USH2A: variants seen among roughly 807,000 people sequenced by gnomAD.
USH2A encodes the protein usherin.
In USH2A, 443 loss-of-function variants were observed where a neutral mutation model predicts 538.9. The observed-to-expected ratio is 0.82, with a 90% confidence interval of 0.76 to 0.89. The LOEUF (loss-of-function observed/expected upper bound fraction) is 0.89, where lower values mean the gene tolerates loss of function less well. USH2A is among the 40% of genes least tolerant of loss of function. The pLI, the probability that USH2A is intolerant of heterozygous loss-of-function variation, is 0.00. For synonymous variants in USH2A, 2,413 were observed against 2,273.5 expected, an observed-to-expected ratio of 1.06 and a Z score of -1.75; for missense variants, 6,633 against 6,324.8, an observed-to-expected ratio of 1.05 and a Z score of -1.65.
rs77144503 is a variant in USH2A, at chr1:216,253,927, C to T, written c.1972-2829G>A. Among the ~76,000 whole-genome samples, 1,499 of 152,296 alleles carry T rather than the reference C, an allele frequency of 9.8e-3. 22 individuals carry two copies. Among genetic ancestry groups the T allele is most frequent in the African/African-American group, 0.034 (1,405 of 41,562 alleles). ...ATCTACCATCTTCTGTGGCTTCTCT[C>T]TTCTTCCTCCTTGCTCTGCTATAAA... On this transcript the variant is annotated intron_variant, in intron 11 of 71. Transcript: ENST00000307340.
chr1:215,940,256 A>G (rs1375705269), intron 37 of USH2A, among the ~76,000 whole-genome samples: 2 of 152,052 alleles, frequency 1.3e-5, no homozygotes, highest in East Asian at 1.9e-4. Flanking sequence ...TAAGGTCTCA[A>G]TTTTAGAGTT....
chr1:215,627,528 T>A (rs539874755), intron 71 of USH2A, among the ~76,000 whole-genome samples: 1 of 132,968 alleles, frequency 7.5e-6, no homozygotes, highest in Admixed American at 7.8e-5. Flanking sequence ...TTCCTTCCTT[T>A]TTTCCTTTTT....
intron 38 of USH2A, among the ~76,000 whole-genome samples, chr1:215,929,932 G>A (rs1666322800): frequency 6.6e-6 from 1 of 151,846 alleles, no homozygotes; most frequent in African/African-American, 2.4e-5. Context: ...AAGTGGAGAG[G>A]GGGTTCAGGG....
At chr1:216,105,001 A>T (rs1344605558) in intron 21 of USH2A, among the ~76,000 whole-genome samples, 1 of 152,242 alleles carries the variant, frequency 6.6e-6, no homozygotes, top group Non-Finnish European at 1.5e-5. Context: ...TGGGCGAAGG[A>T]TATGAACACA....
intron 61 of USH2A, among the ~76,000 whole-genome samples, chr1:215,688,783 C>T (rs1332163789): frequency 6.6e-6 from 1 of 151,980 alleles, no homozygotes; most frequent in East Asian, 1.9e-4. Context: ...TAATTACCTT[C>T]CTAGAGGCCC....
At chr1:215,863,945 G>A (rs1401257180) in intron 44 of USH2A, among the ~76,000 whole-genome samples, 2 of 152,118 alleles carry the variant, frequency 1.3e-5, no homozygotes, top group Non-Finnish European at 1.5e-5. Flanking sequence ...AGACAGTAAA[G>A]TAGACAATAT....
intron 27 of USH2A, among the ~76,000 whole-genome samples, chr1:216,077,625 T>A (rs1317912876): frequency 6.7e-6 from 1 of 148,974 alleles, no homozygotes; most frequent in African/African-American, 2.4e-5. Flanking sequence ...TATATAATTA[T>A]GTATCTCACA....
intron 58 of USH2A, among the ~76,000 whole-genome samples, chr1:215,751,884 C>G (rs1375321829): frequency 6.6e-6 from 1 of 152,010 alleles, no homozygotes; most frequent in South Asian, 2.1e-4. Context: ...AGATGAGAAA[C>G]CTGAATTTGA....
intron 32 of USH2A, among the ~76,000 whole-genome samples, chr1:216,008,484 C>T (rs1027583319): frequency 1.3e-5 from 2 of 152,142 alleles, no homozygotes; most frequent in African/African-American, 4.8e-5. Context: ...CACTTGCACC[C>T]AGGTGAAATA....
chr1:216,001,098 C>A (rs1457773054), intron 32 of USH2A, among the ~76,000 whole-genome samples: 1 of 152,150 alleles, frequency 6.6e-6, no homozygotes, highest in Non-Finnish European at 1.5e-5. Flanking sequence ...CCCTAACACT[C>A]CTTGCTGTCA....
intron 70 of USH2A, among the ~76,000 whole-genome samples, chr1:215,633,574 C>A (rs1195351800): frequency 6.6e-6 from 1 of 152,162 alleles, no homozygotes; most frequent in Non-Finnish European, 1.5e-5. Context: ...GAAGTGTAAG[C>A]AGCTTGACCA....
At chr1:216,261,642 C>T (rs1007154489) in intron 11 of USH2A, among the ~76,000 whole-genome samples, 1 of 151,924 alleles carries the variant, frequency 6.6e-6, no homozygotes, top group Admixed American at 6.6e-5. Flanking sequence ...AGACATGAAA[C>T]CATAGTTTTA....
intron 61 of USH2A, among the ~76,000 whole-genome samples, chr1:215,687,380 C>CT (rs1491063836): frequency 7.4e-6 from 1 of 135,694 alleles, no homozygotes; most frequent in Admixed American, 7.2e-5. Context: ...TTTTTTTTTT[C>CT]CTCTCTTTAG....
intron 11 of USH2A, among the ~76,000 whole-genome samples, chr1:216,286,314 C>T (rs1236777414): frequency 4.6e-5 from 7 of 152,184 alleles, no homozygotes; most frequent in Non-Finnish European, 8.8e-5. Context: ...GGGGCTTTCC[C>T]TGTTCCTCAC....
chr1:215,844,599 C>A (rs567768414), intron 45 of USH2A, 103 bp from the exon 46 acceptor site: 5 of 1,210,866 alleles, frequency 4.1e-6, no homozygotes, highest in South Asian at 2.5e-5. Context: ...GGGTTCCTCG[C>A]TTATCTGCTT....
chr1:216,385,397 A>G (rs1382411970), intron 3 of USH2A, among the ~76,000 whole-genome samples: 1 of 152,200 alleles, frequency 6.6e-6, no homozygotes, highest in Admixed American at 6.5e-5. Flanking sequence ...TAGAATAAAA[A>G]CATTGTCCTG....
chr1:215,846,785 G>A (rs960305407), intron 44 of USH2A, among the ~76,000 whole-genome samples: 8 of 152,144 alleles, frequency 5.3e-5, no homozygotes, highest in Admixed American at 6.5e-5. Flanking sequence ...ATACAAATAA[G>A]AGCATTTCCT....
At chr1:215,711,986 G>T (rs1659349144) in intron 61 of USH2A, among the ~76,000 whole-genome samples, 1 of 152,098 alleles carries the variant, frequency 6.6e-6, no homozygotes, top group African/African-American at 2.4e-5. Context: ...TTAATTTCTG[G>T]ATATAATAAG....
intron 60 of USH2A, among the ~76,000 whole-genome samples, chr1:215,732,834 C>T (rs551772025): frequency 3.9e-5 from 6 of 152,134 alleles, no homozygotes; most frequent in Admixed American, 2.6e-4. Flanking sequence ...AGCCACCACA[C>T]CTGGCCTCTC....
Sources: allele counts gnomAD v4.1 joint callset (sites outside exome capture counted in the v4.1 genomes callset), GRCh38; gene constraint gnomAD v4.1.1; transcripts MANE v1.5; gene names NCBI Gene and HGNC (gene_info 2026-07-23, HGNC 2026-07-21).